Variants in IQCM observed in about 807,000 individuals in gnomAD.
The protein encoded by IQCM is IQ domain-containing protein M.
A neutral mutation model predicts 57.6 loss-of-function variants in IQCM; 45 were observed. That is an observed-to-expected ratio of 0.78 (90% CI 0.62 to 1.00). IQCM has a LOEUF of 1.00. Among genes scored for constraint, IQCM ranks in the 50% least tolerant of loss-of-function variants. IQCM has a pLI of 0.00. For synonymous variants in IQCM, 148 were observed against 158.9 expected (o/e 0.93, Z 0.51); for missense variants, 468 against 511.6 (o/e 0.91, Z 0.82).
chr4:149,618,386 A>C (rs1755984976), intron 8 of IQCM, among the ~76,000 whole-genome samples: 1 of 152,212 alleles, frequency 6.6e-6, no homozygotes, highest in Admixed American at 6.5e-5. Context: ...TAAGACCTGA[A>C]GCCATAAAAA....
chr4:149,439,512 T>C (rs1271231238), intron 12 of IQCM, among the ~76,000 whole-genome samples: 3 of 152,064 alleles, frequency 2.0e-5, no homozygotes, highest in Non-Finnish European at 2.9e-5. Flanking sequence ...AATAGAATTA[T>C]AAGGATTCCT....
At chr4:149,522,980 G>A (rs1292962736) in intron 12 of IQCM, among the ~76,000 whole-genome samples, 1 of 152,064 alleles carries the variant, frequency 6.6e-6, no homozygotes, top group Admixed American at 6.6e-5. Context: ...AAATACCACA[G>A]ACTGAGTGGA....
intron 10 of IQCM, among the ~76,000 whole-genome samples, chr4:149,562,035 A>G (rs1488930420): frequency 6.6e-6 from 1 of 152,234 alleles, no homozygotes; most frequent in African/African-American, 2.4e-5. Flanking sequence ...GCAGTTTGCT[A>G]AAACACAGAG....
intron 5 of IQCM, among the ~76,000 whole-genome samples, chr4:149,715,629 C>T (rs546470969): frequency 3.9e-5 from 6 of 152,162 alleles, no homozygotes; most frequent in African/African-American, 1.4e-4. Context: ...TTCAGTCCTG[C>T]CATCTGGTGG....
chr4:149,366,736 T>A (rs901148928), intron 13 of IQCM, among the ~76,000 whole-genome samples: 1 of 151,782 alleles, frequency 6.6e-6, no homozygotes, highest in African/African-American at 2.4e-5. Context: ...TGTGTTGATA[T>A]CTACAACTTA....
At chr4:149,697,262 G>T (rs1419312668) in intron 5 of IQCM, among the ~76,000 whole-genome samples, 1 of 152,010 alleles carries the variant, frequency 6.6e-6, no homozygotes, top group Non-Finnish European at 1.5e-5. Flanking sequence ...ATAAGTCAAG[G>T]TCTGTTCCTC....
At chr4:149,596,852 C>T (rs1391422276) in intron 8 of IQCM, among the ~76,000 whole-genome samples, 1 of 152,060 alleles carries the variant, frequency 6.6e-6, no homozygotes, top group Non-Finnish European at 1.5e-5. Context: ...GCAATTTTAT[C>T]AATCATTTTT....
At chr4:149,770,203 A>T (rs1770441366) in intron 2 of IQCM, among the ~76,000 whole-genome samples, 1 of 152,080 alleles carries the variant, frequency 6.6e-6, no homozygotes, top group South Asian at 2.1e-4. Flanking sequence ...TGTCAAAAAA[A>T]TTCAACAACT....
chr4:149,792,584 T>C (rs115949248), intron 2 of IQCM, among the ~76,000 whole-genome samples: 3,340 of 152,258 alleles, frequency 0.022, 63 homozygotes, highest in South Asian at 0.036. Flanking sequence ...TCCAGTCATT[T>C]CCAAAATGCA....
chr4:149,449,320 T>TTA lies in IQCM; in HGVS notation c.1229-15765_1229-15764dup, dbSNP rs1007821581. ...ACAGTACCTGGTTTTAAAACCAGGT[T>TTA]TATATATATATAAATAAATTATATT... On this transcript the variant is annotated intron_variant, in intron 12 of 13. Coordinates refer to ENST00000636793, the MANE Select transcript of IQCM (RefSeq NM_001363507.2). 1.3e-4 allele frequency among the ~76,000 whole-genome samples: 19 copies of TTA among 146,396 alleles called. 1 individual carries two copies. The highest frequency in any genetic ancestry group is 4.2e-4 in the South Asian group (2 of 4,736).
intron 10 of IQCM, among the ~76,000 whole-genome samples, chr4:149,561,686 C>A (rs1312302354): frequency 1.3e-5 from 2 of 152,012 alleles, no homozygotes; most frequent in Non-Finnish European, 2.9e-5. Flanking sequence ...AAATAGTAGA[C>A]CATACATGCA....
chr4:149,717,801 C>T (rs1012407605), intron 5 of IQCM, among the ~76,000 whole-genome samples: 9 of 152,172 alleles, frequency 5.9e-5, no homozygotes, highest in South Asian at 2.1e-4. Context: ...AATGTCCTAA[C>T]GGGCCTAACA....
intron 7 of IQCM, among the ~76,000 whole-genome samples, chr4:149,679,930 G>T (rs953360522): frequency 6.6e-6 from 1 of 151,184 alleles, no homozygotes; most frequent in Admixed American, 6.6e-5. Flanking sequence ...TATTTTTCAC[G>T]AAAGACACAA....
At chr4:149,643,158 C>T (rs546468199) in intron 7 of IQCM, among the ~76,000 whole-genome samples, 13 of 152,212 alleles carry the variant, frequency 8.5e-5, no homozygotes, top group Admixed American at 2.0e-4. Flanking sequence ...CTAATTGTAA[C>T]GCCTAGTATT....
At chr4:149,616,826 A>C (rs1008157155) in intron 8 of IQCM, among the ~76,000 whole-genome samples, 2 of 152,122 alleles carry the variant, frequency 1.3e-5, no homozygotes, top group African/African-American at 4.8e-5. Flanking sequence ...TAGGTGCAGC[A>C]AACCACCATG....
chr4:149,805,693 G>T (rs527475019), intron 2 of IQCM, among the ~76,000 whole-genome samples: 7 of 152,048 alleles, frequency 4.6e-5, no homozygotes, highest in African/African-American at 1.7e-4. Flanking sequence ...AGCATAAAAA[G>T]AATTTGCAAA....
At position 149,569,105 on chromosome 4, in the gene IQCM, A is replaced by T. The variant is rs916532003; in HGVS notation, c.750-5215T>A. 3.9e-5 allele frequency among the ~76,000 whole-genome samples: 6 copies of T among 152,198 alleles called. 1 individual carries two copies. Among genetic ancestry groups the T allele is most frequent in the African/African-American group, 1.4e-4 (6 of 41,462 alleles). On this transcript the variant is annotated intron_variant, in intron 9 of 13. Transcript: ENST00000636793. Reference sequence around the variant, plus strand: ...AAATCTCTAAAGGATGAGAAGCCACATGGGGAAGAGAGAAGTTGTGCCCAC... The same window carrying T: ...AAATCTCTAAAGGATGAGAAGCCACTTGGGGAAGAGAGAAGTTGTGCCCAC...
At chr4:149,518,222 C>A (rs1745194703) in intron 12 of IQCM, among the ~76,000 whole-genome samples, 1 of 152,056 alleles carries the variant, frequency 6.6e-6, no homozygotes, top group African/African-American at 2.4e-5. Flanking sequence ...AAGTATACTC[C>A]TACCATGAAG....
In IQCM at chr4:149,546,635, C is replaced by T. The variant is rs538188195; in HGVS notation, c.1228+1820G>A. 9.3e-3 allele frequency among the ~76,000 whole-genome samples: 1,416 copies of T among 152,106 alleles called. 14 individuals are homozygous for T. Among genetic ancestry groups the T allele is most frequent in the Non-Finnish European group, 0.015 (1,026 of 67,954 alleles). On this transcript the variant is annotated intron_variant, in intron 12 of 13. Transcript: ENST00000636793. ...AATGTCTTCTTTTGAGAAGTGTCTG[C>T]TCATATCCTTTGCCCACTTTTTGAT...
Sources: allele counts gnomAD v4.1 joint callset (sites outside exome capture counted in the v4.1 genomes callset), GRCh38; gene constraint gnomAD v4.1.1; transcripts MANE v1.5; gene names NCBI Gene and HGNC (gene_info 2026-07-23, HGNC 2026-07-21).